KCNIP4: variants seen among roughly 807,000 people sequenced by gnomAD.
KCNIP4 encodes the protein potassium voltage-gated channel interacting protein 4.
A neutral mutation model predicts 34.0 loss-of-function variants in KCNIP4; 12 were observed. The ratio of observed to expected loss-of-function variants is 0.35; its 90% CI spans 0.23 to 0.57. KCNIP4 has a LOEUF of 0.57. KCNIP4 is among the 20% of genes least tolerant of loss of function. The pLI is 0.83. For missense variants in KCNIP4, 238 were observed against 311.7 expected, an observed-to-expected ratio of 0.76 and a Z score of 1.78; for synonymous variants, 124 against 102.2, an observed-to-expected ratio of 1.21 and a Z score of -1.29.
intron 3 of KCNIP4, among the ~76,000 whole-genome samples, chr4:20,776,650 T>C (rs1164731962): frequency 6.6e-6 from 1 of 152,216 alleles, no homozygotes; most frequent in Non-Finnish European, 1.5e-5. Flanking sequence ...TCCCTAATTC[T>C]ACCGTTAGGA....
intron 1 of KCNIP4, among the ~76,000 whole-genome samples, chr4:21,025,473 TGAGA>T (rs33926876): frequency 0.011 from 1,022 of 95,068 alleles, 8 homozygotes; most frequent in Middle Eastern, 0.021. Flanking sequence ...TGAAAACAAC[TGAGA>T]GAGAGAGAGA....
At chr4:21,444,905 G>A (rs1727840052) in intron 1 of KCNIP4, among the ~76,000 whole-genome samples, 2 of 152,156 alleles carry the variant, frequency 1.3e-5, no homozygotes, top group South Asian at 4.1e-4. Context: ...ATCTCCTTAA[G>A]CTGATAAGCA....
chr4:21,155,961 T>C (rs1295666294), intron 1 of KCNIP4, among the ~76,000 whole-genome samples: 2 of 152,112 alleles, frequency 1.3e-5, no homozygotes, highest in Admixed American at 6.5e-5. Context: ...CCTCGAAAAA[T>C]TGTCATTGGA....
chr4:21,097,768 C>T (rs1052904790), intron 1 of KCNIP4, among the ~76,000 whole-genome samples: 2 of 152,024 alleles, frequency 1.3e-5, no homozygotes, highest in Admixed American at 1.3e-4. Flanking sequence ...TGAAATTAGA[C>T]CAATTAATAA....
At chr4:21,757,785 G>A (rs918188877) in intron 1 of KCNIP4, among the ~76,000 whole-genome samples, 11 of 152,178 alleles carry the variant, frequency 7.2e-5, no homozygotes, top group Non-Finnish European at 1.3e-4. Flanking sequence ...CAAAGTTAGC[G>A]ATGAAGCCAC....
chr4:21,269,404 TTTTTA>T (rs1457202380), intron 1 of KCNIP4, among the ~76,000 whole-genome samples: 1 of 152,126 alleles, frequency 6.6e-6, no homozygotes, highest in Non-Finnish European at 1.5e-5. Context: ...GTTTTATTTA[TTTTTA>T]TTTATTTATT....
chr4:21,509,585 T>C (rs1734131785), intron 1 of KCNIP4, among the ~76,000 whole-genome samples: 1 of 152,168 alleles, frequency 6.6e-6, no homozygotes, highest in South Asian at 2.1e-4. Context: ...ATACCCATTA[T>C]AGATGAGGAA....
intron 3 of KCNIP4, among the ~76,000 whole-genome samples, chr4:20,804,360 T>C (rs187056526): frequency 2.0e-4 from 30 of 152,334 alleles, no homozygotes; most frequent in Admixed American, 1.0e-3. Flanking sequence ...AAAATATTAA[T>C]GTGTATGTTT....
intron 1 of KCNIP4, among the ~76,000 whole-genome samples, chr4:21,771,145 A>T (rs1718756593): frequency 6.6e-6 from 1 of 152,176 alleles, no homozygotes; most frequent in Non-Finnish European, 1.5e-5. Context: ...GTCCAGTTTC[A>T]GTTTTCTGCA....
Position 20,964,138 on chromosome 4 carries a change from G to A in KCNIP4, c.62-81429C>T, listed in dbSNP as rs139944671. Reference sequence around the variant, plus strand: ...TTACATACTTATTTATACATGTGAGGTCCTCAGCCCTTAAGACAACCTTGT... The same window carrying A: ...TTACATACTTATTTATACATGTGAGATCCTCAGCCCTTAAGACAACCTTGT... On this transcript the variant is annotated intron_variant, in intron 1 of 8. Coordinates refer to ENST00000382152, the MANE Select transcript of KCNIP4 (RefSeq NM_025221.6). 4.4e-3 allele frequency among the ~76,000 whole-genome samples: 665 copies of A among 152,028 alleles called. 9 individuals are homozygous for A. The highest frequency in any genetic ancestry group is 0.015 in the African/African-American group (640 of 41,460).
At chr4:20,770,404 A>T (rs532823508) in intron 3 of KCNIP4, among the ~76,000 whole-genome samples, 30 of 151,956 alleles carry the variant, frequency 2.0e-4, no homozygotes, top group South Asian at 4.1e-4. Context: ...GCAGAAATAA[A>T]TTTTTTTAGA....
At chr4:20,737,052 A>T (rs1208312543) in intron 5 of KCNIP4, among the ~76,000 whole-genome samples, 1 of 152,206 alleles carries the variant, frequency 6.6e-6, no homozygotes. Flanking sequence ...TTCAATAGCT[A>T]TGGAAAGAAT....
At chr4:21,121,126 C>T (rs1448607474) in intron 1 of KCNIP4, among the ~76,000 whole-genome samples, 4 of 152,086 alleles carry the variant, frequency 2.6e-5, no homozygotes, top group African/African-American at 4.8e-5. Flanking sequence ...CCAGCAAAAC[C>T]GGCTGGGCAA....
rs535123808 is a variant in KCNIP4, at chr4:21,465,180, C to T, written c.61+483391G>A. Among the ~76,000 whole-genome samples, 319 of 152,206 alleles carry T rather than the reference C, an allele frequency of 2.1e-3. 3 individuals carry two copies. Among genetic ancestry groups the T allele is most frequent in the Middle Eastern group, 0.014 (4 of 294 alleles). ...CCATTTATTTAGTCATTCATAAGCA[C>T]TGAGTTGAATGCCTACTGTAAGACA... On this transcript the variant is annotated intron_variant, in intron 1 of 8. Coordinates refer to ENST00000382152, the MANE Select transcript of KCNIP4 (RefSeq NM_025221.6).
chr4:21,578,332 CAAAAAAAA>C (rs71191522), intron 1 of KCNIP4, among the ~76,000 whole-genome samples: 997 of 75,108 alleles, frequency 0.013, 33 homozygotes, highest in African/African-American at 0.049. Flanking sequence ...GACTCCGTCT[CAAAAAAAA>C]AAAAAAAAAA....
intron 1 of KCNIP4, among the ~76,000 whole-genome samples, chr4:21,616,065 C>CA (rs941794493): frequency 4.9e-4 from 75 of 152,134 alleles, no homozygotes; most frequent in African/African-American, 1.7e-3. Context: ...TTTCTTTGAG[C>CA]AAAAAAACAT....
At chr4:21,946,593 T>C (rs1267924288) in intron 1 of KCNIP4, among the ~76,000 whole-genome samples, 1 of 152,206 alleles carries the variant, frequency 6.6e-6, no homozygotes, top group African/African-American at 2.4e-5. Flanking sequence ...GTATTACATA[T>C]TTGGGGATCA....
At chr4:21,246,362 G>A (rs1760204479) in intron 1 of KCNIP4, among the ~76,000 whole-genome samples, 1 of 152,164 alleles carries the variant, frequency 6.6e-6, no homozygotes, top group Admixed American at 6.6e-5. Flanking sequence ...CAGAGGGGAA[G>A]AGACCCACAA....
chr4:21,308,351 A>C (rs1200565063), intron 1 of KCNIP4, among the ~76,000 whole-genome samples: 1 of 152,230 alleles, frequency 6.6e-6, no homozygotes, highest in Non-Finnish European at 1.5e-5. Flanking sequence ...CGTGGAGCAC[A>C]TACGTTTTCA....
Sources: allele counts gnomAD v4.1 joint callset (sites outside exome capture counted in the v4.1 genomes callset), GRCh38; gene constraint gnomAD v4.1.1; transcripts MANE v1.5; gene names NCBI Gene and HGNC (gene_info 2026-07-23, HGNC 2026-07-21).